LSAMP: variants seen among roughly 807,000 people sequenced by gnomAD.
LSAMP encodes limbic system-associated membrane protein.
LSAMP carries 7 observed loss-of-function variants against 38.6 expected under a neutral mutation model. The observed-to-expected ratio is 0.18, with a 90% CI of 0.10 to 0.34. The LOEUF (loss-of-function observed/expected upper bound fraction) is 0.34, where lower values mean the gene tolerates loss of function less well. LSAMP is among the 10% of genes least tolerant of loss of function. The pLI, the probability that LSAMP is intolerant of heterozygous loss-of-function variation, is 1.00. For missense variants in LSAMP, 313 were observed against 420.0 expected, an observed-to-expected ratio of 0.75 and a Z score of 2.23; for synonymous variants, 154 against 166.8, an observed-to-expected ratio of 0.92 and a Z score of 0.59.
intron 2 of LSAMP, among the ~76,000 whole-genome samples, chr3:116,020,401 C>T (rs1940605723): frequency 6.6e-6 from 1 of 152,130 alleles, no homozygotes; most frequent in Non-Finnish European, 1.5e-5. Flanking sequence ...TCAATAACTT[C>T]TTACAATAAA....
intron 3 of LSAMP, among the ~76,000 whole-genome samples, chr3:115,872,190 A>C (rs1288035389): frequency 1.3e-5 from 2 of 152,172 alleles, no homozygotes; most frequent in African/African-American, 2.4e-5. Flanking sequence ...AGAAGTGATA[A>C]AATGCATAAC....
chr3:116,012,865 T>C (rs893818807), intron 3 of LSAMP, among the ~76,000 whole-genome samples: 1 of 152,226 alleles, frequency 6.6e-6, no homozygotes, highest in Non-Finnish European at 1.5e-5. Context: ...CTACGTATTA[T>C]TTTAATTTTC....
chr3:116,339,538 T>C (rs1340738544), intron 1 of LSAMP, among the ~76,000 whole-genome samples: 7 of 151,830 alleles, frequency 4.6e-5, no homozygotes, highest in Admixed American at 1.3e-4. Context: ...CACTTTCCCA[T>C]GGGGAAGTAG....
intron 2 of LSAMP, among the ~76,000 whole-genome samples, chr3:116,038,111 C>T (rs1338831946): frequency 1.3e-5 from 2 of 152,094 alleles, no homozygotes; most frequent in Admixed American, 1.3e-4. Flanking sequence ...TGGTTAGACA[C>T]TGGGTTTCAG....
intron 3 of LSAMP, among the ~76,000 whole-genome samples, chr3:115,969,302 T>G (rs1938933634): frequency 6.6e-6 from 1 of 152,226 alleles, no homozygotes; most frequent in African/African-American, 2.4e-5. Flanking sequence ...TTCTTTTGAA[T>G]GTACGAATAA....
At chr3:116,199,014 G>A (rs868088955) in intron 1 of LSAMP, among the ~76,000 whole-genome samples, 32 of 152,054 alleles carry the variant, frequency 2.1e-4, no homozygotes, top group African/African-American at 7.2e-4. Flanking sequence ...AGCCTGGGAG[G>A]TCCAGGCTGC....
intron 1 of LSAMP, among the ~76,000 whole-genome samples, chr3:116,296,566 G>A (rs978445932): frequency 1.3e-5 from 2 of 151,828 alleles, no homozygotes; most frequent in African/African-American, 4.8e-5. Context: ...GCCGTGGCGG[G>A]CGCCCGTAGT....
At chr3:115,979,241 C>T (rs1939285986) in intron 3 of LSAMP, among the ~76,000 whole-genome samples, 1 of 151,286 alleles carries the variant, frequency 6.6e-6, no homozygotes, top group South Asian at 2.1e-4. Context: ...ATTGAAGCTT[C>T]TCCATCAACC....
chr3:116,366,013 TAAAAAAAAA>T (rs67452614), intron 1 of LSAMP, among the ~76,000 whole-genome samples: 2 of 28,686 alleles, frequency 7.0e-5, no homozygotes, highest in Admixed American at 6.5e-4. Context: ...TAGAGTATAA[TAAAAAAAAA>T]AAAAAAAAAA....
At chr3:116,084,778 C>T (rs1707950999) in intron 2 of LSAMP, among the ~76,000 whole-genome samples, 1 of 150,538 alleles carries the variant, frequency 6.6e-6, no homozygotes, top group Non-Finnish European at 1.5e-5. Flanking sequence ...TCAAGCATAA[C>T]CCATTATAAA....
At position 116,144,068 on chromosome 3, in the gene LSAMP, T is replaced by C. The variant is rs1709434032; in HGVS notation, c.156-57512A>G. Among the ~76,000 whole-genome samples, 2 of 152,038 alleles carry C rather than the reference T, an allele frequency of 1.3e-5. 1 individual carries two copies. Among genetic ancestry groups the C allele is most frequent in the South Asian group, 4.1e-4 (2 of 4,832 alleles). ...CTGTGTTTTTTAGATTCCAGGCAGA[T>C]AAAATTTGGAAGTGGGGAAGTCATT... On this transcript the variant is annotated intron_variant, in intron 1 of 6. Transcript: ENST00000490035.
chr3:116,070,665 C>T (rs1407182141), intron 2 of LSAMP, among the ~76,000 whole-genome samples: 2 of 152,208 alleles, frequency 1.3e-5, no homozygotes, highest in African/African-American at 2.4e-5. Context: ...CCTACCCACA[C>T]AAAATCTTTG....
At chr3:115,945,395 G>A (rs948076552) in intron 3 of LSAMP, among the ~76,000 whole-genome samples, 1 of 152,082 alleles carries the variant, frequency 6.6e-6, no homozygotes, top group Admixed American at 6.6e-5. Flanking sequence ...GGGATTATAG[G>A]TCTGTCTCCG....
At chr3:116,253,017 G>C (rs978074010) in intron 1 of LSAMP, among the ~76,000 whole-genome samples, 3 of 152,116 alleles carry the variant, frequency 2.0e-5, no homozygotes, top group Non-Finnish European at 4.4e-5. Context: ...GAATCAATAC[G>C]ACATTCAACT....
intron 1 of LSAMP, among the ~76,000 whole-genome samples, chr3:116,125,346 T>C (rs976533803): frequency 3.9e-5 from 6 of 152,058 alleles, no homozygotes; most frequent in Non-Finnish European, 5.9e-5. Flanking sequence ...ATAGTTATTA[T>C]TATTCATAGC....
intron 1 of LSAMP, among the ~76,000 whole-genome samples, chr3:116,188,267 C>T (rs763134293): frequency 1.3e-5 from 2 of 152,128 alleles, no homozygotes; most frequent in Non-Finnish European, 2.9e-5. Flanking sequence ...TCTAAAGGGC[C>T]TCCTGTCAGA....
At chr3:115,822,514 C>A (rs80320015) in intron 6 of LSAMP, among the ~76,000 whole-genome samples, 11,145 of 152,050 alleles carry the variant, frequency 0.073, 667 homozygotes, top group African/African-American at 0.16. Context: ...GCATATACCA[C>A]CATGCTTAGC....
chr3:116,091,457 G>A (rs777358142), intron 1 of LSAMP, among the ~76,000 whole-genome samples: 18 of 152,206 alleles, frequency 1.2e-4, no homozygotes, highest in Non-Finnish European at 1.8e-4. Flanking sequence ...CAAGGGTATT[G>A]ATTGGGGAAG....
intron 1 of LSAMP, among the ~76,000 whole-genome samples, chr3:116,331,419 A>G (rs951275979): frequency 6.6e-6 from 1 of 152,214 alleles, no homozygotes; most frequent in African/African-American, 2.4e-5. Context: ...ACAAACTCCA[A>G]GTAACTCAAA....
Sources: allele counts gnomAD v4.1 joint callset (sites outside exome capture counted in the v4.1 genomes callset), GRCh38; gene constraint gnomAD v4.1.1; transcripts MANE v1.5; gene names NCBI Gene and HGNC (gene_info 2026-07-23, HGNC 2026-07-21).